OPN3: variants seen among roughly 807,000 people sequenced by gnomAD.
The protein encoded by OPN3 is opsin 3, also known as opsin-3.
A neutral mutation model predicts 33.8 loss-of-function variants in OPN3; 29 were observed. The observed-to-expected ratio is 0.86, with a 90% confidence interval of 0.64 to 1.17. OPN3 has a LOEUF of 1.17. Ranked by LOEUF, OPN3 falls within the 50% of genes most tolerant of loss-of-function variation. The pLI is 0.00. For missense variants in OPN3, 437 were observed against 514.1 expected (o/e 0.85, Z 1.45); for synonymous variants, 216 against 216.1 (o/e 1.00, Z 0.00).
chr1:241,620,759 G>A (rs185494172), intron 1 of OPN3, among the ~76,000 whole-genome samples: 1 of 152,040 alleles, frequency 6.6e-6, no homozygotes, highest in Admixed American at 6.5e-5. Context: ...ACGAAGTCTT[G>A]GAAATATAAT....
chr1:241,627,118 G>A (rs774272334), intron 1 of OPN3, among the ~76,000 whole-genome samples: 4 of 152,072 alleles, frequency 2.6e-5, no homozygotes, highest in Non-Finnish European at 5.9e-5. Context: ...ACCAATGAAG[G>A]TATTATATAT....
intron 1 of OPN3, chr1:241,634,628 T>C: frequency 6.2e-7 from 1 of 1,613,658 alleles, no homozygotes; most frequent in Non-Finnish European, 8.5e-7. Flanking sequence ...TCCTTGGCCA[T>C]ACAAGGGAAA....
At position 241,594,488 on chromosome 1, in the gene OPN3, A is replaced by C; in HGVS notation, c.1149T>G (p.Val383=). 1 of 1,614,104 alleles carries C rather than the reference A, an allele frequency of 6.2e-7. No individual in the cohort carries two copies. Among genetic ancestry groups the C allele is most frequent in the South Asian group, 1.1e-5 (1 of 91,084 alleles). The change falls in exon 4 of 4, where the codon GTT becomes GTG. Residue 383 remains valine, a synonymous_variant. Transcript: ENST00000366554. ...FIITSDESLS[V]DDSDKTNGSK... ...ACCCATTGGTTTTGTCGCTGTCGTCAACTGACAGTGATTCATCACTGGTGA... is the reference window on the plus strand; with the variant it reads ...ACCCATTGGTTTTGTCGCTGTCGTCCACTGACAGTGATTCATCACTGGTGA...
At chr1:241,597,656 G>A in intron 3 of OPN3, 90 bp downstream of exon 3, 6 of 1,208,572 alleles carry the variant, frequency 5.0e-6, no homozygotes, top group Non-Finnish European at 4.4e-6. Context: ...TTTAATTGAA[G>A]CGACTCTGAA....
chr1:241,614,413 T>C (rs979420152), intron 1 of OPN3, among the ~76,000 whole-genome samples: 2 of 152,218 alleles, frequency 1.3e-5, no homozygotes, highest in African/African-American at 4.8e-5. Context: ...ACTCATGCTA[T>C]CCTTCACTGG....
chr1:241,620,039 C>T (rs962712518), intron 1 of OPN3, among the ~76,000 whole-genome samples: 1 of 151,710 alleles, frequency 6.6e-6, no homozygotes, highest in African/African-American at 2.4e-5. Flanking sequence ...ATGTTAAGTG[C>T]CAGAGGAGCC....
Position 241,640,138 on chromosome 1 carries a change from G to A in OPN3, c.117C>T (p.Gly39=), listed in dbSNP as rs752880187. Residue 39 remains glycine (G), a synonymous_variant, in exon 1 of 4, where the codon GGC becomes GGT. Coordinates refer to ENST00000366554, the MANE Select transcript of OPN3 (RefSeq NM_014322.3). The part of the protein sequence containing the change: ...TLSPAPLFSP[G]TYERLALLLG... ...GCAGCAGCGCCAGGCGCTCGTAGGTGCCGGGGCTGAAGAGGGGCGCGGGGC... is the reference window on the plus strand; with the variant it reads ...GCAGCAGCGCCAGGCGCTCGTAGGTACCGGGGCTGAAGAGGGGCGCGGGGC... The A allele has an allele frequency of 1.9e-6, 3 of 1,586,780 alleles. No homozygotes were observed. The Admixed American group carries it at 5.3e-5, about 28-fold the overall frequency.
intron 1 of OPN3, chr1:241,634,293 T>C (rs1664778845): frequency 2.5e-6 from 4 of 1,613,858 alleles, no homozygotes; most frequent in South Asian, 1.1e-5. Flanking sequence ...CATAATTCTG[T>C]GACCCGTACA....
Position 241,640,239 on chromosome 1 carries a change from G to A in OPN3, c.16C>T (p.Arg6Cys). The change falls in exon 1 of 4, where the codon CGC becomes TGC. Residue 6 changes from arginine (R) to cysteine (C), a missense_variant. Arg to Cys is a radical substitution (Grantham distance 180). Transcript: ENST00000366554. MYSGN[R>C]SGGHGYWDGG... ...TCCCAGTAGCCGTGGCCGCCGCTGC[G>A]GTTCCCCGAGTACATGGCCCGGCGC... The A allele has an allele frequency of 6.9e-6, 9 of 1,310,318 alleles. No homozygotes were observed. The highest frequency in any genetic ancestry group is 8.7e-6 in the Non-Finnish European group (9 of 1,036,788). 81.2% of individuals were successfully genotyped at this position (1,310,318 alleles called of 1,614,324 possible). A position where few individuals can be genotyped will look rare whatever the true frequency, so the allele number is the denominator to read the frequency against.
chr1:241,594,852 C>T, intron 3 of OPN3, 161 bp from the exon 4 acceptor site: 1 of 699,514 alleles, frequency 1.4e-6, no homozygotes, highest in Non-Finnish European at 2.4e-6. Context: ...CCTAAATCAC[C>T]CCAGAGCTTT....
intron 2 of OPN3, 73 bp downstream of exon 2, chr1:241,604,187 T>C (rs1663757371): frequency 2.2e-6 from 3 of 1,391,106 alleles, no homozygotes; most frequent in Non-Finnish European, 3.0e-6. Flanking sequence ...AGGAAGACTT[T>C]CATTATTTTC....
chr1:241,638,673 T>C (rs1374580976), intron 1 of OPN3, among the ~76,000 whole-genome samples: 3 of 152,088 alleles, frequency 2.0e-5, no homozygotes, highest in East Asian at 1.9e-4. Context: ...CAAATGAAAT[T>C]ATCAGATTAA....
chr1:241,638,832 A>T (rs906145908), intron 1 of OPN3, among the ~76,000 whole-genome samples: 3 of 152,200 alleles, frequency 2.0e-5, no homozygotes, highest in African/African-American at 7.2e-5. Flanking sequence ...TGAATAAGAA[A>T]ATATTTTTGA....
At chr1:241,609,183 C>T (rs1471390670) in intron 1 of OPN3, among the ~76,000 whole-genome samples, 1 of 152,122 alleles carries the variant, frequency 6.6e-6, no homozygotes, top group African/African-American at 2.4e-5. Context: ...CATCCATTTC[C>T]GTGAACACTG....
chr1:241,631,851 T>C (rs138760283), intron 1 of OPN3: 2 of 152,234 alleles, frequency 1.3e-5, no homozygotes, highest in East Asian at 3.9e-4. Context: ...CGTGGGCACT[T>C]TCTCTTTCTC....
chr1:241,599,900 C>G (rs1017683221), intron 2 of OPN3, among the ~76,000 whole-genome samples: 2 of 152,134 alleles, frequency 1.3e-5, no homozygotes, highest in African/African-American at 4.8e-5. Flanking sequence ...TATATTTGAA[C>G]TAGATATGAG....
intron 2 of OPN3, among the ~76,000 whole-genome samples, chr1:241,603,652 G>A (rs1663738576): frequency 6.6e-6 from 1 of 152,168 alleles, no homozygotes; most frequent in South Asian, 2.1e-4. Flanking sequence ...AAGTTAGAAG[G>A]GTTTGACGGA....
At chr1:241,624,541 T>C (rs1664359767) in intron 1 of OPN3, among the ~76,000 whole-genome samples, 1 of 152,222 alleles carries the variant, frequency 6.6e-6, no homozygotes, top group South Asian at 2.1e-4. Flanking sequence ...CTGATTAATA[T>C]GGTGGTTAAT....
chr1:241,632,450 C>T (rs2148024059), intron 1 of OPN3: 1 of 152,230 alleles, frequency 6.6e-6, no homozygotes, highest in South Asian at 2.1e-4. Context: ...ATGATAAATA[C>T]TATTTCAGAG....
Sources: gnomAD v4.1 joint callset for allele counts (sites outside exome capture counted in the v4.1 genomes callset) on GRCh38, gnomAD v4.1.1 for gene constraint, MANE v1.5 for transcripts, NCBI Gene and HGNC (gene_info 2026-07-23, HGNC 2026-07-21) for gene names.